The following KIFC1 variants were observed in gnomAD, a reference collection of about 807,000 sequenced individuals.
KIFC1 encodes the protein kinesin-like protein KIFC1.
Under a neutral mutation model 66.6 loss-of-function variants are expected in KIFC1, and 37 were observed. That is an observed-to-expected ratio of 0.56 (90% CI 0.43 to 0.73). The LOEUF (loss-of-function observed/expected upper bound fraction) is 0.73. Ranked by LOEUF, KIFC1 falls within the 30% of genes least tolerant of loss-of-function variation. The pLI is 0.00. For missense variants in KIFC1, 721 were observed against 859.8 expected (o/e 0.84, Z 2.02); for synonymous variants, 325 against 343.5 (o/e 0.95, Z 0.60).
rs2151093941 is a variant in KIFC1 at position 33,406,604 on chromosome 6, C to T, written c.1840C>T (p.Pro614Ser). The change falls in exon 9 of 11, where the codon CCT becomes TCT. Residue 614 changes from proline (P) to serine (S), a missense_variant. Pro to Ser is a moderately conservative substitution (Grantham distance 74, BLOSUM62 -1). Transcript: ENST00000428849. The surrounding 1 kb of genome is among the most constrained non-coding windows in gnomAD (Gnocchi z 4.5). Reference protein sequence around the residue: ...MALSNKESHVPYRNSKLTYLL... With the variant: ...MALSNKESHVSYRNSKLTYLL... ...CTCAATCATCTAGGAGTCCCACGTG[C>T]CTTACCGGAACAGCAAACTGACCTA... 1 of 1,614,074 alleles carries T rather than the reference C, an allele frequency of 6.2e-7. No individual in the cohort carries two copies. Among genetic ancestry groups the T allele is most frequent in the East Asian group, 2.2e-5 (1 of 44,882 alleles).
At position 33,406,473 on chromosome 6, in the gene KIFC1, C is replaced by T. The variant is rs1483797453; in HGVS notation, c.1814C>T (p.Ala605Val). The T allele has an allele frequency of 6.3e-7, 1 of 1,598,820 alleles. No individual in the cohort carries two copies. Among genetic ancestry groups the T allele is most frequent in the African/African-American group, 1.3e-5 (1 of 74,740 alleles). The change falls in exon 8 of 11, where the codon GCC becomes GTC. Residue 605 changes from alanine to valine, a missense_variant. Coordinates refer to ENST00000428849, the MANE Select transcript of KIFC1 (RefSeq NM_002263.4). The surrounding 1 kb of genome is among the most constrained non-coding windows in gnomAD (Gnocchi z 4.5). The stretch of plus-strand genomic sequence containing the variant: ...TCCACGCTGGGGCTGGTTATCATGG[C>T]CCTGAGCAACAAGGTGGGAATGGGA... Reference protein sequence around the residue: ...SLSTLGLVIMALSNKESHVPY... With the variant: ...SLSTLGLVIMVLSNKESHVPY...
chr6:33,398,358 C>T lies in KIFC1; in HGVS notation c.221C>T (p.Thr74Ile), dbSNP rs1775201267. The T allele has an allele frequency of 6.2e-7, 1 of 1,614,014 alleles. No individual in the cohort carries two copies. The change falls in exon 3 of 11, where the codon ACA becomes ATA. Residue 74 changes from threonine (T) to isoleucine (I), a missense_variant. Transcript: ENST00000428849. ...CACCCAAGAGTTCCATCCCTCACTA[C>T]AGTGCCACAGACACAAGGCCAGACC... Reference protein sequence around the residue: ...TSHPRVPSLTTVPQTQGQTTA... With the variant: ...TSHPRVPSLTIVPQTQGQTTA...
chr6:33,409,389 C>T (rs940213922), intron 10 of KIFC1, among the ~76,000 whole-genome samples: 1 of 152,096 alleles, frequency 6.6e-6, no homozygotes, highest in African/African-American at 2.4e-5. Context: ...CAGGGTATTG[C>T]TGGAAATGAA....
rs1339107796 is a variant in KIFC1, at chr6:33,398,360, G to A, written c.223G>A (p.Val75Met). 1.9e-6 allele frequency: 3 copies of A among 1,614,026 alleles called. No individual in the cohort carries two copies. In the African/African-American group the frequency reaches 4.0e-5, roughly 22 times the overall value. Residue 75 changes from valine (V) to methionine (M), a missense_variant, in exon 3 of 11, where the codon GTG (valine) becomes ATG (methionine). Transcript: ENST00000428849. The part of the protein sequence containing the change: ...SHPRVPSLTT[V>M]PQTQGQTTAQ... ...CCCAAGAGTTCCATCCCTCACTACA[G>A]TGCCACAGACACAAGGCCAGACCAC...
rs150930868 is a variant in KIFC1, at chr6:33,406,220, C to T, written c.1561C>T (p.Arg521Cys). 984 of 1,608,356 alleles carry T rather than the reference C, an allele frequency of 6.1e-4. No individual in the cohort carries two copies. The highest frequency in any genetic ancestry group is 1.7e-3 in the Admixed American group (103 of 59,582). The change falls in exon 8 of 11, where the codon CGC becomes TGC. Residue 521 changes from arginine (R) to cysteine (C), a missense_variant. Coordinates refer to ENST00000428849, the MANE Select transcript of KIFC1 (RefSeq NM_002263.4). The surrounding 1 kb of genome is among the most constrained non-coding windows in gnomAD (Gnocchi z 4.5). ...GGTGGACGCCCTGCTTCATCTGGCC[C>T]GCCAGAATCGGGCTGTGGCCCGCAC... ...KEVDALLHLA[R>C]QNRAVARTAQ...
intron 1 of KIFC1, among the ~76,000 whole-genome samples, chr6:33,397,699 A>G (rs1339848011): frequency 6.6e-6 from 1 of 152,200 alleles, no homozygotes; most frequent in African/African-American, 2.4e-5. Context: ...TATGATTCTC[A>G]GCTCCAGCCA....
In KIFC1 at chr6:33,404,448, C is replaced by T. The variant is rs982750836; in HGVS notation, c.756+319C>T. Among the ~76,000 whole-genome samples the T allele has an allele frequency of 7.2e-5, 11 of 152,088 alleles. No individual in the cohort carries two copies. The highest frequency in any genetic ancestry group is 2.7e-4 in the African/African-American group (11 of 41,390). On this transcript the variant is annotated intron_variant, in intron 6 of 10. Transcript: ENST00000428849. This position sits in a 1 kb window ranked among gnomAD's most constrained non-coding sequence, Gnocchi z 4.0. ...ACAAATTCCTGTGGTACTCTCTTTCCCTCCTCCCATGTCCACTTGACTCCT... is the reference window on the plus strand; with the variant it reads ...ACAAATTCCTGTGGTACTCTCTTTCTCTCCTCCCATGTCCACTTGACTCCT...
chr6:33,393,809 C>T (rs1280407564), intron 1 of KIFC1, among the ~76,000 whole-genome samples: 1 of 144,606 alleles, frequency 6.9e-6, no homozygotes, highest in Non-Finnish European at 1.5e-5. Flanking sequence ...TGCAGTGGCG[C>T]GGTCTCGGCT....
rs189666107 is a variant in KIFC1, at chr6:33,403,827, C to T, written c.454C>T (p.Arg152Trp). 1.9e-5 allele frequency: 31 copies of T among 1,614,218 alleles called. No homozygotes were observed. The highest frequency in any genetic ancestry group is 1.2e-4 in the African/African-American group (9 of 75,042). The change falls in exon 6 of 11, where the codon CGG becomes TGG. Residue 152 changes from arginine to tryptophan, a missense_variant. By Grantham distance (101) the Arg-to-Trp change is moderately radical (BLOSUM62 -3). Transcript: ENST00000428849. The surrounding 1 kb of genome is among the most constrained non-coding windows in gnomAD (Gnocchi z 4.6). ...ATGTGACCTAAATGCAGAACTAAAA[C>T]GGTGCCGTGAGAGGACTCAAACGTT... is the stretch of plus-strand genomic sequence containing the variant. Reference protein sequence around the residue: ...QLCDLNAELKRCRERTQTLDQ... With the variant: ...QLCDLNAELKWCRERTQTLDQ...
At position 33,401,175 on chromosome 6, in the gene KIFC1, C is replaced by T. The variant is rs1320056286; in HGVS notation, c.251-2139C>T. On this transcript the variant is annotated intron_variant, in intron 3 of 10. Coordinates refer to ENST00000428849, the MANE Select transcript of KIFC1 (RefSeq NM_002263.4). The surrounding 1 kb of genome is among the most constrained non-coding windows in gnomAD (Gnocchi z 4.5). ...TTTGAGACAGAGTCTCGCTCTTTCG[C>T]CCAGGCTGGAGTGCAATGGCGTGAT... 6.6e-6 allele frequency among the ~76,000 whole-genome samples: 1 copy of T among 152,126 alleles called. No homozygotes were observed. Among genetic ancestry groups the T allele is most frequent in the Non-Finnish European group, 1.5e-5 (1 of 68,030 alleles).
rs1271667205 is a variant in KIFC1, at chr6:33,404,072, A to G, written c.699A>G (p.Lys233=). 2 of 1,613,932 alleles carry G rather than the reference A, an allele frequency of 1.2e-6. No individual in the cohort carries two copies. Among genetic ancestry groups the G allele is most frequent in the African/African-American group, 2.7e-5 (2 of 74,882 alleles). Residue 233 remains lysine (K), a synonymous_variant, in exon 6 of 11, where the codon AAA becomes AAG. Transcript: ENST00000428849. This position sits in a 1 kb window ranked among gnomAD's most constrained non-coding sequence, Gnocchi z 4.0. ...QEGLVQELQK[K]QVELQEERRG... ...GCTTGGTGCAAGAGCTTCAGAAAAAACAGGTGGAATTGCAGGAAGAACGGA... is the reference window on the plus strand; with the variant it reads ...GCTTGGTGCAAGAGCTTCAGAAAAAGCAGGTGGAATTGCAGGAAGAACGGA...
Position 33,398,159 on chromosome 6 carries a change from C to T in KIFC1, c.143C>T (p.Pro48Leu), listed in dbSNP as rs764793531. The T allele has an allele frequency of 6.2e-7, 1 of 1,614,074 alleles. No homozygotes were observed. The highest frequency in any genetic ancestry group is 1.1e-5 in the South Asian group (1 of 91,062). Residue 48 changes from proline to leucine, a missense_variant, in exon 2 of 11, where the codon CCT becomes CTT. Coordinates refer to ENST00000428849, the MANE Select transcript of KIFC1 (RefSeq NM_002263.4). ...RPDQMEDGLE[P>L]EKKRTRGLGA... The stretch of plus-strand genomic sequence containing the variant: ...GACCAGATGGAAGATGGCCTGGAGC[C>T]TGAGAAGGTGAGCTGGGCATGGAGA...
chr6:33,404,936 G>A lies in KIFC1; in HGVS notation c.841G>A (p.Ala281Thr), dbSNP rs756078114. ...GCGGCAGGAGACTGTGGCCCAGGCA[G>A]CCTTACTGACTGAGCGGGAAGAACG... ...SLRQETVAQA[A>T]LLTEREERLH... The change falls in exon 7 of 11, where the codon GCC (alanine) becomes ACC (threonine). Residue 281 changes from alanine (A) to threonine (T), a missense_variant. Coordinates refer to ENST00000428849, the MANE Select transcript of KIFC1 (RefSeq NM_002263.4). This position sits in a 1 kb window ranked among gnomAD's most constrained non-coding sequence, Gnocchi z 4.0. The A allele has an allele frequency of 1.9e-6, 3 of 1,614,032 alleles. No individual in the cohort carries two copies. Among genetic ancestry groups the A allele is most frequent in the African/African-American group, 1.3e-5 (1 of 74,920 alleles).
In KIFC1 at chr6:33,404,273, C is replaced by G. The variant is rs151203850; in HGVS notation, c.756+144C>G. 2.0e-4 allele frequency: 146 copies of G among 721,054 alleles called. No individual in the cohort carries two copies. Among genetic ancestry groups the G allele is most frequent in the Middle Eastern group, 1.4e-3 (4 of 2,786 alleles). 44.7% of individuals were successfully genotyped at this position (721,054 alleles called of 1,614,324 possible). On this transcript the variant is annotated intron_variant, in intron 6 of 10. Coordinates refer to ENST00000428849, the MANE Select transcript of KIFC1 (RefSeq NM_002263.4). The surrounding 1 kb of genome is among the most constrained non-coding windows in gnomAD (Gnocchi z 4.0). ...AGTATAGGTGCTGCTGAAGATACCT[C>G]TCTCTTGACCTGTCTGCACCCCAGC... is the stretch of plus-strand genomic sequence containing the variant.
At chr6:33,402,210 C>T (rs1301477439) in intron 3 of KIFC1, among the ~76,000 whole-genome samples, 1 of 152,068 alleles carries the variant, frequency 6.6e-6, no homozygotes, top group South Asian at 2.1e-4. Context: ...GCATTAGGTT[C>T]GTTTATATCA....
rs1581914302 is a variant in KIFC1 at position 33,401,174 on chromosome 6, G to A, written c.251-2140G>A. ...TTTTGAGACAGAGTCTCGCTCTTTC[G>A]CCCAGGCTGGAGTGCAATGGCGTGA... On this transcript the variant is annotated intron_variant, in intron 3 of 10. Transcript: ENST00000428849. This position sits in a 1 kb window ranked among gnomAD's most constrained non-coding sequence, Gnocchi z 4.5. 1.3e-5 allele frequency among the ~76,000 whole-genome samples: 2 copies of A among 151,996 alleles called. No individual in the cohort carries two copies. The highest frequency in any genetic ancestry group is 2.1e-4 in the South Asian group (1 of 4,816).
Position 33,400,949 on chromosome 6 carries a change from GCTAA to G in KIFC1, c.251-2362_251-2359del, listed in dbSNP as rs1775342098. 6.6e-6 allele frequency among the ~76,000 whole-genome samples: 1 copy of G among 152,110 alleles called. No individual in the cohort carries two copies. Among genetic ancestry groups the G allele is most frequent in the Non-Finnish European group, 1.5e-5 (1 of 68,016 alleles). On this transcript the variant is annotated intron_variant, in intron 3 of 10. Transcript: ENST00000428849. This position sits in a 1 kb window ranked among gnomAD's most constrained non-coding sequence, Gnocchi z 4.3. Reference sequence around the variant, plus strand: ...TTACAGGCGTGAGCCACTGCGCCCGGCTAACTTTTTGACTCTTGTAATAACAACT... The same window carrying G: ...TTACAGGCGTGAGCCACTGCGCCCGGCTTTTTGACTCTTGTAATAACAACT...
intron 1 of KIFC1, among the ~76,000 whole-genome samples, chr6:33,392,587 C>T (rs1290913274): frequency 1.3e-5 from 2 of 152,186 alleles, no homozygotes; most frequent in African/African-American, 4.8e-5. Context: ...AAATGGTGCC[C>T]TGCTGCACCC....
chr6:33,396,261 C>T (rs1775027767), intron 1 of KIFC1, among the ~76,000 whole-genome samples: 1 of 152,140 alleles, frequency 6.6e-6, no homozygotes, highest in African/African-American at 2.4e-5. Context: ...GGTCCAGTGG[C>T]ATGTGCTTGT....
Sources: allele counts gnomAD v4.1 joint callset (sites outside exome capture counted in the v4.1 genomes callset), GRCh38; gene constraint gnomAD v4.1.1; non-coding constraint Gnocchi (gnomAD v3.1); transcripts MANE v1.5; gene names NCBI Gene and HGNC (gene_info 2026-07-23, HGNC 2026-07-21).